Variants in EFCAB13 observed in about 807,000 individuals in gnomAD.
EFCAB13 encodes EF-hand calcium-binding domain-containing protein 13.
A neutral mutation model predicts 110.2 loss-of-function variants in EFCAB13; 91 were observed. The observed-to-expected ratio is 0.83, with a 90% CI of 0.70 to 0.98. The LOEUF (loss-of-function observed/expected upper bound fraction) is 0.98, where lower values mean the gene tolerates loss of function less well. Ranked by LOEUF, EFCAB13 falls within the 50% of genes least tolerant of loss-of-function variation. The probability of loss-of-function intolerance (pLI) is 0.00; values close to 1 mark genes in which losing one functional copy is unlikely to be tolerated. For missense variants in EFCAB13, 968 were observed against 1,119.4 expected, an observed-to-expected ratio of 0.86 and a Z score of 1.93; for synonymous variants, 323 against 369.9, an observed-to-expected ratio of 0.87 and a Z score of 1.45.
intron 9 of EFCAB13, among the ~76,000 whole-genome samples, chr17:47,353,672 A>G (rs1258336297): frequency 6.6e-6 from 1 of 152,228 alleles, no homozygotes; most frequent in East Asian, 1.9e-4. Flanking sequence ...GTAAAGGGCA[A>G]TAAAAACTCT....
chr17:47,352,186 G>A (rs550531461), intron 9 of EFCAB13, among the ~76,000 whole-genome samples: 1 of 151,934 alleles, frequency 6.6e-6, no homozygotes, highest in African/African-American at 2.4e-5. Context: ...ACAGGCGCGA[G>A]CCACCACGCC....
At chr17:47,435,600 T>A (rs1905197192) in intron 24 of EFCAB13, among the ~76,000 whole-genome samples, 1 of 152,174 alleles carries the variant, frequency 6.6e-6, no homozygotes, top group Non-Finnish European at 1.5e-5. Context: ...ACTTGGTCAC[T>A]GTTGGTGTAT....
intron 15 of EFCAB13, 37 bp downstream of exon 15, chr17:47,391,617 A>G (rs1299836485): frequency 2.7e-6 from 4 of 1,493,250 alleles, no homozygotes; most frequent in Non-Finnish European, 3.6e-6. Flanking sequence ...GCATTGACAC[A>G]TCTGGAAGGA....
At chr17:47,393,266 C>G (rs1202180115) in intron 15 of EFCAB13, among the ~76,000 whole-genome samples, 1 of 152,056 alleles carries the variant, frequency 6.6e-6, no homozygotes, top group African/African-American at 2.4e-5. Context: ...ATATGTTATT[C>G]TAAGTATTGG....
chr17:47,388,423 A>G (rs1290563087), intron 14 of EFCAB13, among the ~76,000 whole-genome samples: 4 of 152,136 alleles, frequency 2.6e-5, no homozygotes, highest in African/African-American at 9.7e-5. Flanking sequence ...TTTCAGCTTC[A>G]GATGTGAGTT....
At chr17:47,385,050 C>T (rs1433979834) in intron 14 of EFCAB13, among the ~76,000 whole-genome samples, 2 of 152,194 alleles carry the variant, frequency 1.3e-5, no homozygotes, top group Admixed American at 6.5e-5. Context: ...GAATTACAGG[C>T]GTGAGCCACC....
intron 24 of EFCAB13, among the ~76,000 whole-genome samples, chr17:47,437,790 A>G (rs1905240267): frequency 6.6e-6 from 1 of 152,140 alleles, no homozygotes; most frequent in South Asian, 2.1e-4. Context: ...AGGTATGGTT[A>G]CATTCATCAT....
intron 13 of EFCAB13, among the ~76,000 whole-genome samples, chr17:47,378,301 C>T (rs530022863): frequency 7.5e-4 from 114 of 152,200 alleles, no homozygotes; most frequent in African/African-American, 2.2e-3. Flanking sequence ...TTACAAAATA[C>T]GGGGGAATTT....
chr17:47,357,969 T>G (rs923351206), intron 9 of EFCAB13, among the ~76,000 whole-genome samples: 1 of 152,218 alleles, frequency 6.6e-6, no homozygotes, highest in African/African-American at 2.4e-5. Flanking sequence ...GGTTTCCTAT[T>G]TTGACCTTAT....
chr17:47,331,100 C>T (rs1038834956), intron 4 of EFCAB13, among the ~76,000 whole-genome samples: 1 of 151,850 alleles, frequency 6.6e-6, no homozygotes, highest in Non-Finnish European at 1.5e-5. Flanking sequence ...TGTTATTTTC[C>T]CACTTTTTAA....
chr17:47,381,477 T>C (rs1037198862), intron 14 of EFCAB13, among the ~76,000 whole-genome samples: 1 of 152,242 alleles, frequency 6.6e-6, no homozygotes, highest in Admixed American at 6.5e-5. Flanking sequence ...AGGGTTTTTA[T>C]GGTTTTAGAT....
At chr17:47,393,569 T>C (rs2143416133) in intron 15 of EFCAB13, among the ~76,000 whole-genome samples, 1 of 151,988 alleles carries the variant, frequency 6.6e-6, no homozygotes, top group South Asian at 2.1e-4. Flanking sequence ...AATATGAAAA[T>C]TAACTGGGCA....
chr17:47,379,298 T>C (rs553297583), intron 14 of EFCAB13, 45 bp downstream of exon 14: 3 of 1,476,678 alleles, frequency 2.0e-6, no homozygotes, highest in South Asian at 1.1e-5. Flanking sequence ...GGAAGAGCAG[T>C]GTGTTGAGAA....
At chr17:47,412,742 C>T in intron 21 of EFCAB13, 31 bp from the exon 22 acceptor site, 1 of 1,577,600 alleles carries the variant, frequency 6.3e-7, no homozygotes, top group Non-Finnish European at 8.6e-7. Flanking sequence ...TTTTTTACAC[C>T]ATAATAGCTT....
At chr17:47,344,380 G>A in intron 7 of EFCAB13, 88 bp downstream of exon 7, 1 of 1,434,948 alleles carries the variant, frequency 7.0e-7, no homozygotes, top group Non-Finnish European at 9.5e-7. Flanking sequence ...TCCACATAAA[G>A]AATATGAAGT....
chr17:47,358,768 T>G (rs1251379371), intron 9 of EFCAB13, among the ~76,000 whole-genome samples: 2 of 152,156 alleles, frequency 1.3e-5, no homozygotes, highest in Non-Finnish European at 2.9e-5. Flanking sequence ...TTCATCATGA[T>G]TGTGGAGTAC....
chr17:47,413,899 C>T (rs1195248781), intron 22 of EFCAB13, among the ~76,000 whole-genome samples: 4 of 152,026 alleles, frequency 2.6e-5, no homozygotes, highest in African/African-American at 9.7e-5. Flanking sequence ...TTTATGGGCT[C>T]GAATCTTTTT....
intron 21 of EFCAB13, among the ~76,000 whole-genome samples, chr17:47,410,775 A>T (rs1408005080): frequency 6.6e-6 from 1 of 152,222 alleles, no homozygotes; most frequent in Non-Finnish European, 1.5e-5. Context: ...CCAAAAAGGG[A>T]AAACAACATT....
intron 24 of EFCAB13, among the ~76,000 whole-genome samples, chr17:47,435,624 AT>A (rs1348954450): frequency 6.6e-6 from 1 of 152,022 alleles, no homozygotes; most frequent in Non-Finnish European, 1.5e-5. Flanking sequence ...AGAACTACTG[AT>A]TTGTGTACAG....
Sources: gnomAD v4.1 joint callset for allele counts (sites outside exome capture counted in the v4.1 genomes callset) on GRCh38, gnomAD v4.1.1 for gene constraint, MANE v1.5 for transcripts, NCBI Gene and HGNC (gene_info 2026-07-23, HGNC 2026-07-21) for gene names.